The following KCNB2 variants were observed in gnomAD, a reference collection of about 807,000 sequenced individuals.
The protein encoded by KCNB2 is potassium voltage-gated channel subfamily B member 2, also known as delayed rectifier potassium channel protein.
Under a neutral mutation model 61.5 loss-of-function variants are expected in KCNB2, and 15 were observed. The ratio of observed to expected loss-of-function variants is 0.24; its 90% CI spans 0.16 to 0.38. The LOEUF (loss-of-function observed/expected upper bound fraction) is 0.38. Ranked by LOEUF, KCNB2 falls within the 10% of genes least tolerant of loss-of-function variation. KCNB2 has a pLI of 1.00. For missense variants in KCNB2, 828 were observed against 1,125.2 expected, an observed-to-expected ratio of 0.74 and a Z score of 3.78; for synonymous variants, 457 against 446.0, an observed-to-expected ratio of 1.02 and a Z score of -0.31.
intron 2 of KCNB2, chr8:72,881,681 T>G (rs756712585): frequency 9.3e-5 from 14 of 150,240 alleles, no homozygotes; most frequent in Non-Finnish European, 1.9e-4. Context: ...TGGCAATCTT[T>G]TCTAAAGGTC....
chr8:72,668,392 G>A (rs907137992), intron 2 of KCNB2, among the ~76,000 whole-genome samples: 2 of 152,120 alleles, frequency 1.3e-5, no homozygotes, highest in African/African-American at 4.8e-5. Flanking sequence ...TATGGCCCCT[G>A]TAGACAAAGA....
At chr8:72,834,688 A>G (rs6985438) in intron 2 of KCNB2, among the ~76,000 whole-genome samples, 22,909 of 151,998 alleles carry the variant, frequency 0.15, 2,359 homozygotes, top group African/African-American at 0.29. Context: ...TGTCCATACT[A>G]GTATTAATTG....
At chr8:72,591,841 C>T (rs1807105016) in intron 2 of KCNB2, among the ~76,000 whole-genome samples, 1 of 152,026 alleles carries the variant, frequency 6.6e-6, no homozygotes, top group Non-Finnish European at 1.5e-5. Context: ...ATTATTTTGG[C>T]TATTATTTTA....
intron 1 of KCNB2, among the ~76,000 whole-genome samples, chr8:72,560,453 G>T (rs539151420): frequency 4.6e-5 from 7 of 152,228 alleles, no homozygotes; most frequent in Admixed American, 4.6e-4. Flanking sequence ...GGTATTACTG[G>T]GTGGCCTATT....
Position 72,818,289 on chromosome 8 carries a change from A to G in KCNB2, c.580-117646A>G, listed in dbSNP as rs115146935. On this transcript the variant is annotated intron_variant, in intron 2 of 2. Transcript: ENST00000523207. ...GATATTATTTTCTGATATTCAGACA[A>G]CTAGATAAATTCAAATCTATTACTC... 5.8e-3 allele frequency among the ~76,000 whole-genome samples: 876 copies of G among 152,340 alleles called. 11 individuals are homozygous for G. Among genetic ancestry groups the G allele is most frequent in the African/African-American group, 0.019 (789 of 41,584 alleles).
chr8:72,781,168 C>T (rs1808747284), intron 2 of KCNB2, among the ~76,000 whole-genome samples: 1 of 152,098 alleles, frequency 6.6e-6, no homozygotes, highest in Non-Finnish European at 1.5e-5. Flanking sequence ...TGTAGGTTGT[C>T]TCTTCACTCT....
At chr8:72,674,143 C>G (rs1027761968) in intron 2 of KCNB2, among the ~76,000 whole-genome samples, 6 of 152,142 alleles carry the variant, frequency 3.9e-5, no homozygotes, top group Admixed American at 2.6e-4. Flanking sequence ...AAGTCAGATG[C>G]ATAACTCTGA....
At chr8:72,928,191 C>CTTT (rs879676235) in intron 2 of KCNB2, among the ~76,000 whole-genome samples, 61 of 134,908 alleles carry the variant, frequency 4.5e-4, no homozygotes, top group African/African-American at 1.6e-3. Flanking sequence ...CACTTTCTTT[C>CTTT]TTTTTTTTTT....
intron 2 of KCNB2, among the ~76,000 whole-genome samples, chr8:72,691,293 A>T (rs547567190): frequency 6.6e-6 from 1 of 152,294 alleles, no homozygotes; most frequent in African/African-American, 2.4e-5. Flanking sequence ...ACCATTTTGG[A>T]CCAAATTACC....
At position 72,641,074 on chromosome 8, in the gene KCNB2, C is replaced by T. The variant is rs146766861; in HGVS notation, c.579+72761C>T. On this transcript the variant is annotated intron_variant, in intron 2 of 2. Transcript: ENST00000523207. ...AATTTTGAAAATGGAAGCAAAAGTG[C>T]AGATCAAGCCGTTGCCACCTTGTAT... Among the ~76,000 whole-genome samples the T allele has an allele frequency of 1.7e-3, 262 of 152,166 alleles. 2 individuals carry two copies. The highest frequency in any genetic ancestry group is 6.0e-3 in the African/African-American group (248 of 41,518).
At chr8:72,740,915 T>G (rs1346241155) in intron 2 of KCNB2, among the ~76,000 whole-genome samples, 1 of 152,212 alleles carries the variant, frequency 6.6e-6, no homozygotes, top group Non-Finnish European at 1.5e-5. Context: ...ATTGTAACTT[T>G]GGGTATTTTA....
intron 2 of KCNB2, among the ~76,000 whole-genome samples, chr8:72,831,118 G>A (rs938126822): frequency 3.3e-5 from 5 of 152,230 alleles, no homozygotes; most frequent in Admixed American, 1.3e-4. Flanking sequence ...GCCGTGGGTA[G>A]TCATGCTGAC....
intron 2 of KCNB2, among the ~76,000 whole-genome samples, chr8:72,685,324 T>G (rs1329382819): frequency 6.6e-6 from 1 of 152,158 alleles, no homozygotes; most frequent in African/African-American, 2.4e-5. Flanking sequence ...CTGAAAAATA[T>G]ATATATAAAA....
intron 2 of KCNB2, among the ~76,000 whole-genome samples, chr8:72,820,713 G>T (rs1470112808): frequency 6.6e-6 from 1 of 151,222 alleles, no homozygotes; most frequent in Non-Finnish European, 1.5e-5. Context: ...TACTTTCTTT[G>T]CCTCTTGAAT....
intron 2 of KCNB2, among the ~76,000 whole-genome samples, chr8:72,851,826 GAAAAA>G (rs55696554): frequency 3.0e-4 from 13 of 43,862 alleles, no homozygotes; most frequent in Admixed American, 4.2e-4. Context: ...GAAGCTGTAG[GAAAAA>G]AAAAAAAAAA....
At chr8:72,544,327 AC>A (rs915381085) in intron 1 of KCNB2, among the ~76,000 whole-genome samples, 2 of 152,222 alleles carry the variant, frequency 1.3e-5, no homozygotes, top group African/African-American at 4.8e-5. Flanking sequence ...ATGCCATCCT[AC>A]ATCATTTGGA....
chr8:72,811,939 A>G (rs1809312825), intron 2 of KCNB2, among the ~76,000 whole-genome samples: 1 of 152,192 alleles, frequency 6.6e-6, no homozygotes, highest in Non-Finnish European at 1.5e-5. Flanking sequence ...GCATGATCTG[A>G]AGGTAGAGCT....
intron 2 of KCNB2, among the ~76,000 whole-genome samples, chr8:72,857,179 T>A (rs969774719): frequency 6.6e-6 from 1 of 152,178 alleles, no homozygotes; most frequent in Non-Finnish European, 1.5e-5. Flanking sequence ...TACATGAGCC[T>A]CTTGAGGGAG....
intron 2 of KCNB2, among the ~76,000 whole-genome samples, chr8:72,870,606 G>A (rs914085297): frequency 2.0e-5 from 3 of 152,162 alleles, no homozygotes; most frequent in African/African-American, 7.2e-5. Context: ...TTCCACCTAT[G>A]TATGAGCTTA....
Sources: allele counts gnomAD v4.1 joint callset (sites outside exome capture counted in the v4.1 genomes callset), GRCh38; gene constraint gnomAD v4.1.1; transcripts MANE v1.5; gene names NCBI Gene and HGNC (gene_info 2026-07-23, HGNC 2026-07-21).